Variants in CDH20 observed in about 807,000 individuals in gnomAD.
CDH20 encodes cadherin-20.
A neutral mutation model predicts 74.2 loss-of-function variants in CDH20; 29 were observed. The observed-to-expected ratio is 0.39, with a 90% CI of 0.29 to 0.53. CDH20 has a LOEUF of 0.53. Ranked by LOEUF, CDH20 falls within the 20% of genes least tolerant of loss-of-function variation. CDH20 has a pLI of 0.69. For missense variants in CDH20, 988 were observed against 1,048.3 expected, an observed-to-expected ratio of 0.94 and a Z score of 0.79; for synonymous variants, 469 against 405.4, an observed-to-expected ratio of 1.16 and a Z score of -1.88.
chr18:61,354,390 C>T (rs943452416), intron 1 of CDH20, among the ~76,000 whole-genome samples: 1 of 152,136 alleles, frequency 6.6e-6, no homozygotes, highest in Admixed American at 6.5e-5. Context: ...GGCAGATCAC[C>T]TGAGGTCGGA....
chr18:61,524,026 G>A (rs770820550), intron 6 of CDH20, among the ~76,000 whole-genome samples: 5 of 151,944 alleles, frequency 3.3e-5, no homozygotes, highest in African/African-American at 9.7e-5. Context: ...AAACCTGCAC[G>A]TTCTGCACAT....
At chr18:61,371,748 C>A (rs957070918) in intron 1 of CDH20, among the ~76,000 whole-genome samples, 1 of 151,960 alleles carries the variant, frequency 6.6e-6, no homozygotes, top group Non-Finnish European at 1.5e-5. Flanking sequence ...AAATTTGTGA[C>A]AAATATGATT....
At chr18:61,354,047 AAAAAAAAG>A (rs1320917836) in intron 1 of CDH20, among the ~76,000 whole-genome samples, 1 of 151,198 alleles carries the variant, frequency 6.6e-6, no homozygotes. Context: ...CTGTCAAAAA[AAAAAAAAG>A]AAAAAGAAAA....
At chr18:61,544,875 A>G (rs1013726337) in intron 9 of CDH20, 152 bp from the exon 10 acceptor site, 2 of 640,482 alleles carry the variant, frequency 3.1e-6, no homozygotes, top group Non-Finnish European at 5.7e-6. Flanking sequence ...GCCCTTCTCT[A>G]CCCAGCATTT....
chr18:61,539,228 G>A (rs1912939476), intron 9 of CDH20, 83 bp downstream of exon 9: 1 of 1,436,136 alleles, frequency 7.0e-7, no homozygotes. Context: ...CACCATCAAA[G>A]CCATTTTGAC....
intron 1 of CDH20, among the ~76,000 whole-genome samples, chr18:61,337,569 C>T (rs1397800086): frequency 6.6e-5 from 10 of 152,068 alleles, no homozygotes; most frequent in Non-Finnish European, 1.5e-4. Context: ...AAGAAACAAC[C>T]TCCTCTGTAT....
chr18:61,486,135 G>C (rs1910756015), intron 1 of CDH20, among the ~76,000 whole-genome samples: 1 of 152,148 alleles, frequency 6.6e-6, no homozygotes, highest in African/African-American at 2.4e-5. Flanking sequence ...CTTCTGTATA[G>C]AGTACAGAAG....
chr18:61,351,081 G>A (rs576277649), intron 1 of CDH20, among the ~76,000 whole-genome samples: 110 of 152,278 alleles, frequency 7.2e-4, no homozygotes, highest in African/African-American at 2.3e-3. Flanking sequence ...CACTGATGGT[G>A]GGTGAAGGAA....
chr18:61,496,054 C>G (rs866459745), intron 2 of CDH20, among the ~76,000 whole-genome samples: 7 of 24,316 alleles, frequency 2.9e-4, no homozygotes, highest in African/African-American at 1.3e-3. Flanking sequence ...TTCCTCTCCC[C>G]CCTCTCTCCT....
At chr18:61,482,398 AG>A (rs1226144555) in intron 1 of CDH20, among the ~76,000 whole-genome samples, 1 of 152,102 alleles carries the variant, frequency 6.6e-6, no homozygotes, top group African/African-American at 2.4e-5. Context: ...CTTCATATCC[AG>A]TTAGTCTGCA....
At chr18:61,335,202 T>G (rs1441003748) in intron 1 of CDH20, among the ~76,000 whole-genome samples, 1 of 152,146 alleles carries the variant, frequency 6.6e-6, no homozygotes, top group Non-Finnish European at 1.5e-5. Flanking sequence ...TCCCTTTCAT[T>G]TATTTATATA....
At chr18:61,434,220 G>A (rs1449077048) in intron 1 of CDH20, among the ~76,000 whole-genome samples, 3 of 151,990 alleles carry the variant, frequency 2.0e-5, no homozygotes, top group Non-Finnish European at 2.9e-5. Context: ...CAGTTAATTG[G>A]CCCATTTCAT....
intron 6 of CDH20, among the ~76,000 whole-genome samples, chr18:61,515,937 TAAA>T (rs11453784): frequency 6.6e-6 from 1 of 151,770 alleles, no homozygotes; most frequent in Admixed American, 6.6e-5. Context: ...ATAATAATTT[TAAA>T]AAAAAGACAT....
In CDH20 at chr18:61,373,938, T is replaced by C. The variant is rs568667380; in HGVS notation, c.-153+40111T>C. Reference sequence around the variant, plus strand: ...ATGGCTCAGATAACAAAAGCCCAAGTCTTTCAATACAGTTTTCCCAAAGTC... The same window carrying C: ...ATGGCTCAGATAACAAAAGCCCAAGCCTTTCAATACAGTTTTCCCAAAGTC... On this transcript the variant is annotated intron_variant, in intron 1 of 11. Transcript: ENST00000262717. Among the ~76,000 whole-genome samples the C allele has an allele frequency of 2.1e-4, 32 of 152,260 alleles. No homozygotes were observed. The South Asian group carries it at 5.8e-3, about 28-fold the overall frequency.
At chr18:61,358,384 T>C (rs569238010) in intron 1 of CDH20, among the ~76,000 whole-genome samples, 20 of 152,168 alleles carry the variant, frequency 1.3e-4, no homozygotes, top group Non-Finnish European at 2.5e-4. Context: ...CCTCCCAGAG[T>C]GCTGGGATTA....
intron 1 of CDH20, among the ~76,000 whole-genome samples, chr18:61,430,632 A>C (rs887202135): frequency 6.6e-6 from 1 of 152,146 alleles, no homozygotes; most frequent in Non-Finnish European, 1.5e-5. Flanking sequence ...CTGCCATTTA[A>C]TTAATAATTT....
chr18:61,456,001 C>T (rs11152296), intron 1 of CDH20, among the ~76,000 whole-genome samples: 82,964 of 152,028 alleles, frequency 0.55, 23,831 homozygotes, highest in African/African-American at 0.73. Flanking sequence ...AAGTTTAAAT[C>T]CTGGACCCCC....
intron 1 of CDH20, among the ~76,000 whole-genome samples, chr18:61,442,021 T>G (rs1464207184): frequency 6.6e-6 from 1 of 152,120 alleles, no homozygotes; most frequent in Non-Finnish European, 1.5e-5. Flanking sequence ...CACAAAATCT[T>G]TTAGTATTTT....
At chr18:61,375,359 C>T (rs1015782241) in intron 1 of CDH20, among the ~76,000 whole-genome samples, 1 of 152,164 alleles carries the variant, frequency 6.6e-6, no homozygotes, top group Non-Finnish European at 1.5e-5. Flanking sequence ...CTTCCACAGA[C>T]CCTACAAATT....
Sources: gnomAD v4.1 joint callset for allele counts (sites outside exome capture counted in the v4.1 genomes callset) on GRCh38, gnomAD v4.1.1 for gene constraint, MANE v1.5 for transcripts, NCBI Gene and HGNC (gene_info 2026-07-23, HGNC 2026-07-21) for gene names.